The following ADA variants were observed in gnomAD, a reference collection of about 807,000 sequenced individuals.
ADA encodes adenosine deaminase.
In ADA, 45 loss-of-function variants were observed where a neutral mutation model predicts 49.0. The observed-to-expected ratio is 0.92, with a 90% confidence interval of 0.72 to 1.18. The LOEUF is 1.18. Among genes scored for constraint, ADA ranks in the 50% most tolerant of loss-of-function variants. The pLI, the probability that ADA is intolerant of heterozygous loss-of-function variation, is 0.00. For synonymous variants in ADA, 173 were observed against 184.2 expected (o/e 0.94, Z 0.49); for missense variants, 445 against 472.5 (o/e 0.94, Z 0.54).
chr20:44,624,618 C>T (rs2145316401), intron 5 of ADA, among the ~76,000 whole-genome samples: 1 of 152,210 alleles, frequency 6.6e-6, no homozygotes, highest in East Asian at 1.9e-4. Context: ...GGGGCCTGAG[C>T]TCAGTAAATG....
At chr20:44,641,320 G>A (rs140927871) in intron 1 of ADA, among the ~76,000 whole-genome samples, 45 of 152,254 alleles carry the variant, frequency 3.0e-4, no homozygotes, top group East Asian at 1.5e-3. Context: ...AACCACTGCC[G>A]TAGAGGAACC....
chr20:44,650,031 C>T (rs1293048751), intron 1 of ADA, among the ~76,000 whole-genome samples: 3 of 152,232 alleles, frequency 2.0e-5, no homozygotes, highest in South Asian at 2.1e-4. Context: ...CACTGCACCC[C>T]GCCAATCAAA....
chr20:44,644,990 T>C (rs1337452129), intron 1 of ADA, among the ~76,000 whole-genome samples: 2 of 152,308 alleles, frequency 1.3e-5, no homozygotes, highest in East Asian at 3.9e-4. Context: ...GAAAGTCTAA[T>C]GCATACCACA....
chr20:44,626,405 G>A, intron 4 of ADA, 51 bp downstream of exon 4: 6 of 1,612,216 alleles, frequency 3.7e-6, no homozygotes, highest in Non-Finnish European at 5.1e-6. Flanking sequence ...TCTCAGAGCT[G>A]AGCCTCCCAG....
intron 1 of ADA, among the ~76,000 whole-genome samples, chr20:44,637,433 T>G (rs1241115351): frequency 6.6e-6 from 1 of 152,174 alleles, no homozygotes; most frequent in Non-Finnish European, 1.5e-5. Context: ...CATGAGCTGT[T>G]AGGAGAAGCA....
intron 4 of ADA, chr20:44,626,195 T>C: frequency 1.8e-6 from 1 of 570,244 alleles, no homozygotes; most frequent in Non-Finnish European, 3.1e-6. Flanking sequence ...CAGGTTAACA[T>C]TCCTGGACAG....
rs772994911 is a variant in ADA at position 44,620,363 on chromosome 20, A to G, written c.1014T>C (p.Asp338=). ...GCAGGTCGAGAAGCTCCCTCTTTTCATCTTCTGGGAGGAAACTAGATTTGG... is the reference window on the plus strand; with the variant it reads ...GCAGGTCGAGAAGCTCCCTCTTTTCGTCTTCTGGGAGGAAACTAGATTTGG... The part of the protein sequence containing the change: ...NAAKSSFLPE[D]EKRELLDLLY... The change falls in exon 11 of 12, where the codon GAT becomes GAC. Residue 338 remains aspartate, a synonymous_variant. Transcript: ENST00000372874. 1.2e-6 allele frequency: 2 copies of G among 1,614,104 alleles called. No individual in the cohort carries two copies. Among genetic ancestry groups the G allele is most frequent in the South Asian group, 1.1e-5 (1 of 91,092 alleles).
intron 1 of ADA, among the ~76,000 whole-genome samples, chr20:44,646,315 C>T (rs1214030214): frequency 6.6e-6 from 1 of 152,248 alleles, no homozygotes; most frequent in Non-Finnish European, 1.5e-5. Context: ...TTCCCCTCCA[C>T]CACCAACTGC....
At chr20:44,619,955 CAAG>C in intron 11 of ADA, 108 bp from the exon 12 acceptor site, 3 of 1,421,992 alleles carry the variant, frequency 2.1e-6, no homozygotes, top group Non-Finnish European at 3.0e-6. Flanking sequence ...CCTATGATGG[CAAG>C]AAGATGCCTT....
At chr20:44,630,004 C>CCT (rs397942515) in intron 2 of ADA, among the ~76,000 whole-genome samples, 4,401 of 148,980 alleles carry the variant, frequency 0.03, 96 homozygotes, top group Non-Finnish European at 0.045. Context: ...TTTCCCCCCC[C>CCT]TTTTTTTTTT....
intron 1 of ADA, among the ~76,000 whole-genome samples, chr20:44,640,214 C>G (rs6094006): frequency 3.3e-5 from 5 of 152,000 alleles, no homozygotes; most frequent in Non-Finnish European, 7.4e-5. Flanking sequence ...AGGAGTTCAA[C>G]ACCAGCCTGG....
intron 1 of ADA, among the ~76,000 whole-genome samples, chr20:44,642,910 G>A (rs1201187892): frequency 6.6e-6 from 1 of 152,184 alleles, no homozygotes; most frequent in East Asian, 1.9e-4. Context: ...CCTCTGGGAA[G>A]GGGGAAAGCA....
In ADA at chr20:44,620,517, G is replaced by T; in HGVS notation, c.976-116C>A. ...ACATGGGCAGATACGCTTAGAGGGG[G>T]AAGGATTTGTCCACTGTCACACGGC... On this transcript the variant is annotated intron_variant, in intron 10 of 11. Coordinates refer to ENST00000372874, the MANE Select transcript of ADA (RefSeq NM_000022.4). The T allele has an allele frequency of 5.7e-6, 5 of 884,548 alleles. No individual in the cohort carries two copies. In the South Asian group the frequency reaches 6.9e-5, roughly 12 times the overall value. The allele number at this position is 884,548 out of a possible 1,614,324, so 54.8% of individuals were successfully genotyped here. A position where few individuals can be genotyped will look rare whatever the true frequency, so the allele number is the denominator to read the frequency against.
chr20:44,651,432 C>A, intron 1 of ADA, 143 bp downstream of exon 1: 1 of 858,732 alleles, frequency 1.2e-6, no homozygotes, highest in Non-Finnish European at 1.8e-6. Context: ...GCAAGCAAGC[C>A]ACGGCCTAAG....
rs778483752 is a variant in ADA, at chr20:44,621,165, G to A, written c.846-18C>T. On this transcript the variant is annotated intron_variant, in intron 9 of 11. Coordinates refer to ENST00000372874, the MANE Select transcript of ADA (RefSeq NM_000022.4). ...TTTTGAGCCTGCAGAAGAGGGAGGA[G>A]GAGAGAATCAGCCTCCTTTTACTCT... 1.2e-6 allele frequency: 2 copies of A among 1,614,120 alleles called. No homozygotes were observed. The highest frequency in any genetic ancestry group is 1.7e-6 in the Non-Finnish European group (2 of 1,180,018).
chr20:44,625,324 G>A (rs1281466648), intron 5 of ADA, among the ~76,000 whole-genome samples: 1 of 152,110 alleles, frequency 6.6e-6, no homozygotes, highest in Non-Finnish European at 1.5e-5. Flanking sequence ...CCTATTTGGT[G>A]TTGAGCTTCC....
At position 44,626,455 on chromosome 20, in the gene ADA, C is replaced by G; in HGVS notation, c.362+1G>C. 1 of 1,613,844 alleles carries G rather than the reference C, an allele frequency of 6.2e-7. No homozygotes were observed. Among genetic ancestry groups the G allele is most frequent in the Non-Finnish European group, 8.5e-7 (1 of 1,180,026 alleles). Reference sequence around the variant, plus strand: ...TGGCCCCTTCCAGGCCCATCACTCACTCAGCCTGGTTCCAGGGGATTGGCT... The same window carrying G: ...TGGCCCCTTCCAGGCCCATCACTCAGTCAGCCTGGTTCCAGGGGATTGGCT... On this transcript the variant is annotated splice_donor_variant, in intron 4 of 11. Transcript: ENST00000372874. LOFTEE classifies it high-confidence loss of function.
At chr20:44,624,362 C>A in intron 5 of ADA, 33 bp from the exon 6 acceptor site, 2 of 1,611,750 alleles carry the variant, frequency 1.2e-6, no homozygotes, top group Admixed American at 1.7e-5. Context: ...GGCTCTGTCA[C>A]CAGCACCATG....
In ADA at chr20:44,626,507, G is replaced by A. The variant is rs1452483770; in HGVS notation, c.311C>T (p.Pro104Leu). The A allele has an allele frequency of 3.7e-6, 6 of 1,614,124 alleles. No individual in the cohort carries two copies. Among genetic ancestry groups the A allele is most frequent in the South Asian group, 3.3e-5 (3 of 91,074 alleles). The change falls in exon 4 of 12, where the codon CCG becomes CTG. Residue 104 changes from proline (P) to leucine (L), a missense_variant. Pro to Leu is a moderately conservative substitution (Grantham distance 98). Coordinates refer to ENST00000372874, the MANE Select transcript of ADA (RefSeq NM_000022.4). ...GVVYVEVRYS[P>L]HLLANSKVEP... Reference sequence around the variant, plus strand: ...CACTTTGGAGTTGGCCAGCAGGTGCGGACTGTACCGCACCTCCACATACAC... The same window carrying A: ...CACTTTGGAGTTGGCCAGCAGGTGCAGACTGTACCGCACCTCCACATACAC...
Sources: gnomAD v4.1 joint callset for allele counts (sites outside exome capture counted in the v4.1 genomes callset) on GRCh38, gnomAD v4.1.1 for gene constraint, MANE v1.5 for transcripts, NCBI Gene and HGNC (gene_info 2026-07-23, HGNC 2026-07-21) for gene names.